The following ITGAE variants were observed in gnomAD, a reference collection of about 807,000 sequenced individuals.
ITGAE encodes integrin subunit alpha E.
Under a neutral mutation model 136.5 loss-of-function variants are expected in ITGAE, and 99 were observed. The observed-to-expected ratio is 0.73, with a 90% CI of 0.62 to 0.86. ITGAE has a LOEUF of 0.86. Ranked by LOEUF, ITGAE falls within the 40% of genes least tolerant of loss-of-function variation. The pLI, the probability that ITGAE is intolerant of heterozygous loss-of-function variation, is 0.00. For missense variants in ITGAE, 1,447 were observed against 1,515.3 expected (o/e 0.95, Z 0.75); for synonymous variants, 613 against 591.8 (o/e 1.04, Z -0.52).
chr17:3,743,208 G>A (rs924796336), intron 19 of ITGAE, among the ~76,000 whole-genome samples: 4 of 152,254 alleles, frequency 2.6e-5, no homozygotes, highest in South Asian at 2.1e-4. Flanking sequence ...ATGTATGCAT[G>A]TGCCTCATGA....
At chr17:3,778,109 T>C (rs1237805793) in intron 1 of ITGAE, among the ~76,000 whole-genome samples, 2 of 151,540 alleles carry the variant, frequency 1.3e-5, no homozygotes, top group Non-Finnish European at 2.9e-5. Flanking sequence ...CAAGAATGTT[T>C]TATACCAGCT....
chr17:3,780,644 G>C (rs1159875885), intron 1 of ITGAE, among the ~76,000 whole-genome samples: 1 of 151,992 alleles, frequency 6.6e-6, no homozygotes, highest in Non-Finnish European at 1.5e-5. Flanking sequence ...TTTTGGTTAA[G>C]CTGGTCTCGA....
At chr17:3,729,848 G>C (rs2051301028) in intron 23 of ITGAE, among the ~76,000 whole-genome samples, 1 of 152,126 alleles carries the variant, frequency 6.6e-6, no homozygotes, top group East Asian at 1.9e-4. Flanking sequence ...GCCTGCCTTG[G>C]CCTCCCAAAG....
intron 26 of ITGAE, chr17:3,724,905 G>C: frequency 6.2e-7 from 1 of 1,613,636 alleles, no homozygotes; most frequent in South Asian, 1.1e-5. Flanking sequence ...GGGCCGCATT[G>C]TGCCAAGGGG....
At position 3,731,100 on chromosome 17, in the gene ITGAE, T is replaced by G. The variant is rs773839727; in HGVS notation, c.2834+4A>C. ...GACTCTGCTGTGACCCAGGCAGTAC[T>G]TACTTGGTGACAGTCACAGTGATGT... On this transcript the variant is annotated splice_donor_region_variant and intron_variant, in intron 23 of 30. Transcript: ENST00000263087. 2 of 1,611,650 alleles carry G rather than the reference T, an allele frequency of 1.2e-6. No homozygotes were observed. The highest frequency in any genetic ancestry group is 1.7e-6 in the Non-Finnish European group (2 of 1,177,912).
intron 19 of ITGAE, among the ~76,000 whole-genome samples, chr17:3,742,461 T>TG (rs908459364): frequency 6.0e-5 from 9 of 150,022 alleles, no homozygotes; most frequent in Admixed American, 2.0e-4. Context: ...TTGTGGTTTT[T>TG]TTTTTTTTTT....
At chr17:3,792,963 C>A (rs1199178863) in intron 1 of ITGAE, among the ~76,000 whole-genome samples, 1 of 152,184 alleles carries the variant, frequency 6.6e-6, no homozygotes, top group Non-Finnish European at 1.5e-5. Context: ...TGTGTCCTCC[C>A]TGCCAATGCC....
Position 3,798,299 on chromosome 17 carries a change from T to C in ITGAE, c.34+2812A>G, listed in dbSNP as rs138053063. On this transcript the variant is annotated intron_variant, in intron 1 of 30. Transcript: ENST00000263087. The surrounding 1 kb of genome is among the most constrained non-coding windows in gnomAD (Gnocchi z 4.3). ...CCTTCTCTTCACACAGGGGCTGGGA[T>C]AGGGGTGGCCTCGCCTCTGCCCGCA... 3.8e-3 allele frequency among the ~76,000 whole-genome samples: 577 copies of C among 152,234 alleles called. 2 individuals are homozygous for C. The highest frequency in any genetic ancestry group is 0.014 in the Middle Eastern group (4 of 294).
rs116236163 is a variant in ITGAE, at chr17:3,772,215, C to T, written c.155+5325G>A. Among the ~76,000 whole-genome samples the T allele has an allele frequency of 4.3e-3, 658 of 152,266 alleles. 7 individuals are homozygous for T. Among genetic ancestry groups the T allele is most frequent in the Middle Eastern group, 0.024 (7 of 294 alleles). ...GCTGATGAACACACCTGCCTCGATG[C>T]GCCCCCCCGTACCTCGGACGTCCCC... On this transcript the variant is annotated intron_variant, in intron 2 of 30. Coordinates refer to ENST00000263087, the MANE Select transcript of ITGAE (RefSeq NM_002208.5).
chr17:3,753,681 C>T (rs1024313704), intron 13 of ITGAE, 102 bp downstream of exon 13: 20 of 1,438,328 alleles, frequency 1.4e-5, no homozygotes, highest in African/African-American at 4.2e-5. Context: ...TCACCCAGCC[C>T]GGGCCCTGGC....
chr17:3,778,054 C>A (rs917460813), intron 1 of ITGAE, among the ~76,000 whole-genome samples: 2 of 152,026 alleles, frequency 1.3e-5, no homozygotes, highest in African/African-American at 2.4e-5. Flanking sequence ...CTATGTACCC[C>A]CTTCAAGCGA....
At chr17:3,759,017 C>G (rs147451461) in intron 8 of ITGAE, among the ~76,000 whole-genome samples, 13,157 of 150,546 alleles carry the variant, frequency 0.087, 1,640 homozygotes, top group East Asian at 0.58. Flanking sequence ...CCCAGCTACT[C>G]GGGAGGCTGA....
chr17:3,755,047 T>A, intron 12 of ITGAE, 70 bp downstream of exon 12: 140 of 614,200 alleles, frequency 2.3e-4, no homozygotes, highest in Non-Finnish European at 2.6e-4. Flanking sequence ...GGCCCCACCC[T>A]CGCCCAGGGA....
At chr17:3,737,780 C>T (rs1420880622) in intron 20 of ITGAE, among the ~76,000 whole-genome samples, 1 of 152,084 alleles carries the variant, frequency 6.6e-6, no homozygotes, top group Non-Finnish European at 1.5e-5. Context: ...GGATCTATGT[C>T]CTCAGGTCAA....
chr17:3,744,766 A>G (rs2051673572), intron 18 of ITGAE, among the ~76,000 whole-genome samples: 2 of 152,108 alleles, frequency 1.3e-5, no homozygotes, highest in Non-Finnish European at 2.9e-5. Flanking sequence ...ATCTTTCTCA[A>G]AGCAACATGG....
chr17:3,764,678 C>T (rs1000271226), intron 2 of ITGAE, among the ~76,000 whole-genome samples: 2 of 152,078 alleles, frequency 1.3e-5, no homozygotes, highest in Non-Finnish European at 2.9e-5. Flanking sequence ...GCCTGGGGGA[C>T]AGAGTGTGAC....
chr17:3,743,587 T>G lies in ITGAE; in HGVS notation c.2350A>C (p.Ser784Arg). The change falls in exon 19 of 31, where the codon AGT (serine) becomes CGT (arginine). Residue 784 changes from serine (S) to arginine (R), a missense_variant. Physicochemically the swap from Ser to Arg is moderately radical, Grantham distance 110 (BLOSUM62 -1). This residue lies in a region of ITGAE where 1,031 missense variants were observed against 1,011.4 expected (regional missense o/e 1.02). Transcript: ENST00000263087. The stretch of plus-strand genomic sequence containing the variant: ...TGGAGCTGGTAGCTGACTTTGACAC[T>G]GGCATTGGAGAAGCAGTCCTCCTCA... ...LCEEDCFSNA[S>R]VKVSYQLQTP... 1 of 1,613,284 alleles carries G rather than the reference T, an allele frequency of 6.2e-7. No individual in the cohort carries two copies. Among genetic ancestry groups the G allele is most frequent in the African/African-American group, 1.3e-5 (1 of 74,932 alleles).
At chr17:3,733,801 T>C (rs2051399808) in intron 21 of ITGAE, among the ~76,000 whole-genome samples, 1 of 152,140 alleles carries the variant, frequency 6.6e-6, no homozygotes. Context: ...GGAGTTCAGA[T>C]GAAATGTAAA....
chr17:3,784,109 A>C (rs2052726445), intron 1 of ITGAE, among the ~76,000 whole-genome samples: 2 of 151,826 alleles, frequency 1.3e-5, no homozygotes, highest in Non-Finnish European at 2.9e-5. Flanking sequence ...AAATACAAAA[A>C]ATTAGCCGGG....
Sources: allele counts gnomAD v4.1 joint callset (sites outside exome capture counted in the v4.1 genomes callset), GRCh38; gene constraint gnomAD v4.1.1; regional missense constraint gnomAD v4.1.1; non-coding constraint Gnocchi (gnomAD v3.1); transcripts MANE v1.5; gene names NCBI Gene and HGNC (gene_info 2026-07-23, HGNC 2026-07-21).